DIS3L2: variants seen among roughly 807,000 people sequenced by gnomAD.
The protein encoded by DIS3L2 is DIS3 like 3'-5' exoribonuclease 2, also known as DIS3-like exonuclease 2.
DIS3L2 carries 34 observed loss-of-function variants against 97.5 expected under a neutral mutation model. The observed-to-expected ratio is 0.35, with a 90% CI of 0.27 to 0.46. The LOEUF (loss-of-function observed/expected upper bound fraction) is 0.46, where lower values mean the gene tolerates loss of function less well. Among genes scored for constraint, DIS3L2 ranks in the 20% least tolerant of loss-of-function variants. The probability of loss-of-function intolerance (pLI) is 1.00; values close to 1 mark genes in which losing one functional copy is unlikely to be tolerated. For synonymous variants in DIS3L2, 435 were observed against 445.2 expected (o/e 0.98, Z 0.29); for missense variants, 1,038 against 1,146.0 (o/e 0.91, Z 1.36).
At chr2:231,970,243 C>T (rs1692860033) in intron 1 of DIS3L2, among the ~76,000 whole-genome samples, 1 of 152,150 alleles carries the variant, frequency 6.6e-6, no homozygotes, top group Non-Finnish European at 1.5e-5. Flanking sequence ...CCACTGCACC[C>T]AGCCACTTTT....
chr2:232,083,753 C>G (rs1278137379), intron 5 of DIS3L2, among the ~76,000 whole-genome samples: 1 of 152,182 alleles, frequency 6.6e-6, no homozygotes, highest in Non-Finnish European at 1.5e-5. Flanking sequence ...CATTGTCCTT[C>G]CAAAGTGCTG....
intron 6 of DIS3L2, among the ~76,000 whole-genome samples, chr2:232,096,155 C>T (rs1230583296): frequency 2.7e-5 from 4 of 149,518 alleles, no homozygotes; most frequent in Admixed American, 6.7e-5. Context: ...GGCGTGATCT[C>T]GGCTCACTGG....
chr2:232,216,718 G>C (rs1315169830), intron 10 of DIS3L2, among the ~76,000 whole-genome samples: 2 of 152,158 alleles, frequency 1.3e-5, no homozygotes, highest in Non-Finnish European at 2.9e-5. Context: ...AGGAAAAGTT[G>C]AAAACACAGG....
At chr2:232,294,187 C>G (rs1694668775) in intron 13 of DIS3L2, among the ~76,000 whole-genome samples, 1 of 152,194 alleles carries the variant, frequency 6.6e-6, no homozygotes, top group Non-Finnish European at 1.5e-5. Flanking sequence ...GAACCAGTTT[C>G]TAGGGCCAGG....
At chr2:232,080,847 GC>G (rs1282892021) in intron 5 of DIS3L2, among the ~76,000 whole-genome samples, 1 of 147,580 alleles carries the variant, frequency 6.8e-6, no homozygotes, top group Non-Finnish European at 1.5e-5. Context: ...GTTGCAGTGA[GC>G]CAAGGTGGTG....
At chr2:232,154,837 G>A (rs1485554180) in intron 8 of DIS3L2, among the ~76,000 whole-genome samples, 1 of 108,194 alleles carries the variant, frequency 9.2e-6, no homozygotes, top group Admixed American at 1.0e-4. Flanking sequence ...TCAGACTGCT[G>A]TGCTAGCAAT....
In DIS3L2 at chr2:232,109,835, A is replaced by G. The variant is rs1473606479; in HGVS notation, c.602-20784A>G. ...TGATTTCATGAAGACACCAAAAGCA[A>G]TTGCAACAAAAGCAAAAATTGACAA... On this transcript the variant is annotated intron_variant, in intron 6 of 20. Coordinates refer to ENST00000325385, the MANE Select transcript of DIS3L2 (RefSeq NM_152383.5). Among the ~76,000 whole-genome samples, 7 of 152,210 alleles carry G rather than the reference A, an allele frequency of 4.6e-5. 1 individual carries two copies. Among genetic ancestry groups the G allele is most frequent in the Admixed American group, 3.3e-4 (5 of 15,276 alleles).
intron 16 of DIS3L2, 41 bp from the exon 17 acceptor site, chr2:232,333,798 CA>C: frequency 6.6e-7 from 1 of 1,508,242 alleles, no homozygotes; most frequent in African/African-American, 1.4e-5. Flanking sequence ...CCTGGCTGGG[CA>C]GCTCTGGGCT....
intron 13 of DIS3L2, chr2:232,343,082 T>G (rs1050252035): frequency 2.3e-6 from 1 of 432,378 alleles, no homozygotes; most frequent in African/African-American, 2.0e-5. Context: ...GTCCCCTCCA[T>G]GTTCCCCGGC....
At chr2:232,052,425 A>C (rs997564828) in intron 5 of DIS3L2, among the ~76,000 whole-genome samples, 2 of 152,228 alleles carry the variant, frequency 1.3e-5, no homozygotes, top group African/African-American at 4.8e-5. Context: ...CAAATACAGT[A>C]GTTTAACTAT....
chr2:232,309,736 CAGGACCT>C (rs751736586), intron 14 of DIS3L2, among the ~76,000 whole-genome samples: 26 of 152,334 alleles, frequency 1.7e-4, no homozygotes, highest in Non-Finnish European at 3.2e-4. Flanking sequence ...TCACATCTTG[CAGGACCT>C]GGCCTGCATT....
At chr2:232,327,300 A>G (rs1197211388) in intron 14 of DIS3L2, among the ~76,000 whole-genome samples, 1 of 152,152 alleles carries the variant, frequency 6.6e-6, no homozygotes, top group African/African-American at 2.4e-5. Flanking sequence ...ACACTGCAAA[A>G]TGCAGCCCAG....
chr2:232,241,700 A>C (rs546607782), intron 11 of DIS3L2, among the ~76,000 whole-genome samples: 1 of 152,336 alleles, frequency 6.6e-6, no homozygotes, highest in South Asian at 2.1e-4. Context: ...GCCCACCTGA[A>C]TTTTGGTCTG....
intron 1 of DIS3L2, among the ~76,000 whole-genome samples, chr2:231,979,297 C>T (rs1336404063): frequency 6.6e-6 from 1 of 152,026 alleles, no homozygotes; most frequent in Non-Finnish European, 1.5e-5. Flanking sequence ...CTCTGTCACC[C>T]AGGCTGGAGT....
chr2:232,339,292 C>T (rs1451350839), downstream of DIS3L2, among the ~76,000 whole-genome samples: 3 of 152,196 alleles, frequency 2.0e-5, no homozygotes, highest in Non-Finnish European at 2.9e-5. Context: ...GGGAAGCGGG[C>T]GCCAGAGGAG....
Position 232,238,714 on chromosome 2 carries a change from G to T in DIS3L2, c.1317+69G>T, listed in dbSNP as rs535893440. 1,475 of 1,353,822 alleles carry T rather than the reference G, an allele frequency of 1.1e-3. 3 individuals are homozygous for T. Among genetic ancestry groups the T allele is most frequent in the Non-Finnish European group, 1.5e-3 (1,425 of 975,126 alleles). The allele number at this position is 1,353,822 out of a possible 1,614,324, so 83.9% of individuals were successfully genotyped here. A position where few individuals can be genotyped will look rare whatever the true frequency, so the allele number is the denominator to read the frequency against. On this transcript the variant is annotated intron_variant, in intron 11 of 20. Transcript: ENST00000325385. The stretch of plus-strand genomic sequence containing the variant: ...TGTTTGTTTCCCTGGAAGAGTGTGT[G>T]CTCTCTGTTATTACATGTTCTCCGG...
chr2:232,138,068 A>G (rs1698407911), intron 8 of DIS3L2, among the ~76,000 whole-genome samples: 1 of 152,212 alleles, frequency 6.6e-6, no homozygotes, highest in Non-Finnish European at 1.5e-5. Context: ...TTTCTGTCGT[A>G]TCCCATTGTG....
Position 231,991,067 on chromosome 2 carries a change from G to A in DIS3L2, c.-93-23768G>A, listed in dbSNP as rs1011784876. On this transcript the variant is annotated intron_variant, in intron 1 of 20. Transcript: ENST00000325385. Reference sequence around the variant, plus strand: ...ACCATAGGCATGAGCCATTGTGCCCGGCTAATTTTTGTATTTTTTTGTAGA... The same window carrying A: ...ACCATAGGCATGAGCCATTGTGCCCAGCTAATTTTTGTATTTTTTTGTAGA... 2.0e-5 allele frequency among the ~76,000 whole-genome samples: 3 copies of A among 151,548 alleles called. No individual in the cohort carries two copies. In the East Asian group the frequency reaches 5.8e-4, roughly 29 times the overall value.
At chr2:231,963,698 C>T (rs1365572065) in intron 1 of DIS3L2, among the ~76,000 whole-genome samples, 2 of 152,182 alleles carry the variant, frequency 1.3e-5, no homozygotes, top group East Asian at 1.9e-4. Context: ...CCTGGGTTTT[C>T]TTCTAGGATT....
Sources: allele counts gnomAD v4.1 joint callset (sites outside exome capture counted in the v4.1 genomes callset), GRCh38; gene constraint gnomAD v4.1.1; transcripts MANE v1.5; gene names NCBI Gene and HGNC (gene_info 2026-07-23, HGNC 2026-07-21).